SHOX: variants seen among roughly 807,000 people sequenced by gnomAD.
SHOX encodes short stature homeobox protein.
A neutral mutation model predicts 29.6 loss-of-function variants in SHOX; 12 were observed. The ratio of observed to expected loss-of-function variants is 0.41; its 90% CI spans 0.26 to 0.66. The LOEUF is 0.66. SHOX is among the 30% of genes least tolerant of loss of function. The pLI is 0.35. For synonymous variants in SHOX, 214 were observed against 200.6 expected (o/e 1.07, Z -0.57); for missense variants, 499 against 437.7 (o/e 1.14, Z -1.25).
intron 1 of SHOX, among the ~76,000 whole-genome samples, chrX:624,904 C>CCTTTCTTTCTTTCTTTCTT (rs2052485624): frequency 6.3e-5 from 6 of 94,850 alleles, no homozygotes; most frequent in Admixed American, 4.7e-4. Flanking sequence ...CTTTCTTTCT[C>CCTTTCTTTCTTTCTTTCTT]TCTTCCTTTC....
chrX:629,497 C>T (rs1204439230), upstream of SHOX, among the ~76,000 whole-genome samples: 2 of 151,764 alleles, frequency 1.3e-5, no homozygotes, highest in Non-Finnish European at 2.9e-5. Flanking sequence ...CTCTTTCTCT[C>T]TCTCTCTCCA....
In SHOX at chrX:650,347, G is replaced by A. The variant is rs891483436; in HGVS notation, c.*5711G>A. 6.6e-6 allele frequency among the ~76,000 whole-genome samples: 1 copy of A among 150,830 alleles called. No individual in the cohort carries two copies. The highest frequency in any genetic ancestry group is 2.4e-5 in the African/African-American group (1 of 41,170). The stretch of plus-strand genomic sequence containing the variant: ...GGCCTCTCCATCCCGCCAAAGTCCA[G>A]CCAGGCCCCCGAAATGGTCCCATTT... On this transcript the variant is annotated 3_prime_UTR_variant, in exon 5 of 5. Transcript: ENST00000686671.
intron 1 of SHOX, among the ~76,000 whole-genome samples, chrX:625,440 G>C (rs2052505675): frequency 6.6e-6 from 1 of 151,950 alleles, no homozygotes; most frequent in Non-Finnish European, 1.5e-5. Context: ...TCATCGGCTT[G>C]GTGTGCTGCT....
At chrX:631,195 G>A in intron 1 of SHOX, 21 bp downstream of exon 1, 2 of 1,612,040 alleles carry the variant, frequency 1.2e-6, no homozygotes, top group Non-Finnish European at 8.5e-7. Flanking sequence ...TTGCGCTCCG[G>A]CTCCAGGGGG....
rs2053004307 is a variant in SHOX, at chrX:648,898, T to C, written c.*4262T>C. Among the ~76,000 whole-genome samples the C allele has an allele frequency of 2.1e-5, 3 of 141,156 alleles. No homozygotes were observed. In the South Asian group the frequency reaches 6.7e-4, roughly 31 times the overall value. 92.6% of individuals were successfully genotyped at this position (141,156 alleles called of 152,430 possible). The stretch of plus-strand genomic sequence containing the variant: ...CTCTTCTCTCTCCCTTCTCCTTCCT[T>C]CCTTCCTTCCTTTCTTTCTTTTTCT... On this transcript the variant is annotated 3_prime_UTR_variant, in exon 5 of 5. Transcript: ENST00000686671.
rs202142084 is a variant in SHOX, at chrX:644,351, C to T, written c.634-40C>T. 364 of 1,509,040 alleles carry T rather than the reference C, an allele frequency of 2.4e-4. 3 individuals are homozygous for T. The African/African-American group carries it at 4.7e-3, about 20-fold the overall frequency. 93.5% of individuals were successfully genotyped at this position (1,509,040 alleles called of 1,614,324 possible). A position where few individuals can be genotyped will look rare whatever the true frequency, so the allele number is the denominator to read the frequency against. ...GCGGGGCGGAGCAGGCCCCCCAGTC[C>T]CCATCCTGCGCCCTCACCCCGCCGG... On this transcript the variant is annotated intron_variant, in intron 4 of 4. Coordinates refer to ENST00000686671, the MANE Select transcript of SHOX (RefSeq NM_000451.4).
upstream of SHOX, among the ~76,000 whole-genome samples, chrX:629,934 AT>A (rs2052617316): frequency 6.6e-6 from 1 of 152,100 alleles, no homozygotes; most frequent in African/African-American, 2.4e-5. Context: ...AAACACAAGT[AT>A]TTTTTTCACC....
In SHOX at chrX:630,975, C is replaced by T; in HGVS notation, c.78C>T (p.Gly26=). The stretch of plus-strand genomic sequence containing the variant: ...ACGGTAACGGCGGAGGCGGAGGCGG[C>T]GGAGGTAAGAAGGATTCCATTACGT... ...SKDGNGGGGG[G]GGKKDSITYR... is the part of the protein sequence containing the mutation. Residue 26 remains glycine, a synonymous_variant, in exon 1 of 5, where the codon GGC becomes GGT. Transcript: ENST00000686671. 1 of 1,613,786 alleles carries T rather than the reference C, an allele frequency of 6.2e-7. No homozygotes were observed. Among genetic ancestry groups the T allele is most frequent in the Non-Finnish European group, 8.5e-7 (1 of 1,179,828 alleles).
Position 651,338 on chromosome X carries a change from C to G in SHOX, c.*6702C>G, listed in dbSNP as rs765568234. On this transcript the variant is annotated 3_prime_UTR_variant, in exon 5 of 5. Transcript: ENST00000686671. ...AATCACACACCGTTTCCCAAACCAACAGTCTTCACATTTCTATCCCTCTGT... is the reference window on the plus strand; with the variant it reads ...AATCACACACCGTTTCCCAAACCAAGAGTCTTCACATTTCTATCCCTCTGT... 2.2e-6 allele frequency: 1 copy of G among 455,460 alleles called. No individual in the cohort carries two copies. Among genetic ancestry groups the G allele is most frequent in the South Asian group, 1.5e-5 (1 of 64,534 alleles). The allele number at this position is 455,460 out of a possible 1,614,324, so 28.2% of individuals were successfully genotyped here.
chrX:644,351 C>A, intron 4 of SHOX, 40 bp from the exon 5 acceptor site: 1 of 1,509,040 alleles, frequency 6.6e-7, no homozygotes, highest in Non-Finnish European at 8.8e-7. Flanking sequence ...CCCCCCAGTC[C>A]CCATCCTGCG....
chrX:634,919 C>T (rs2052718002), intron 2 of SHOX, 93 bp downstream of exon 2: 6 of 1,336,424 alleles, frequency 4.5e-6, no homozygotes, highest in Admixed American at 4.8e-5. Flanking sequence ...GCCCGGGCCG[C>T]CGCCGTCCCC....
At chrX:633,705 C>T (rs1330391238) in intron 1 of SHOX, among the ~76,000 whole-genome samples, 2 of 152,054 alleles carry the variant, frequency 1.3e-5, no homozygotes, top group African/African-American at 4.8e-5. Flanking sequence ...GCATCGCGTG[C>T]TTCTCATCTG....
intron 1 of SHOX, among the ~76,000 whole-genome samples, chrX:633,729 C>G (rs1007161326): frequency 6.6e-6 from 1 of 151,968 alleles, no homozygotes. Context: ...TCAGCAGGCC[C>G]GAGATAGGAA....
chrX:635,634 A>AC (rs1345620225), intron 2 of SHOX, among the ~76,000 whole-genome samples: 6 of 152,204 alleles, frequency 3.9e-5, no homozygotes, highest in African/African-American at 9.7e-5. Flanking sequence ...GAGACCAGGC[A>AC]CTGGGGGGCG....
intron 1 of SHOX, among the ~76,000 whole-genome samples, chrX:634,253 C>T (rs759084606): frequency 2.0e-5 from 3 of 152,232 alleles, no homozygotes; most frequent in Non-Finnish European, 2.9e-5. Context: ...GGCGTCCCGC[C>T]GGGGATCCCA....
upstream of SHOX, among the ~76,000 whole-genome samples, chrX:628,009 G>C (rs138750933): frequency 0.026 from 3,507 of 132,848 alleles, 124 homozygotes; most frequent in South Asian, 0.16. Flanking sequence ...GACCCAGAAA[G>C]TTGCTCTAAG....
rs183196814 is a variant in SHOX at position 645,610 on chromosome X, G to A, written c.*974G>A. 2.0e-5 allele frequency: 3 copies of A among 152,084 alleles called. No individual in the cohort carries two copies. Among genetic ancestry groups the A allele is most frequent in the Non-Finnish European group, 2.9e-5 (2 of 67,980 alleles). 9.4% of individuals were successfully genotyped at this position (152,084 alleles called of 1,614,324 possible). A position where few individuals can be genotyped will look rare whatever the true frequency, so the allele number is the denominator to read the frequency against. On this transcript the variant is annotated 3_prime_UTR_variant, in exon 5 of 5. Transcript: ENST00000686671. ...CGTCAGCGTCCAACGTGGAAAAGGC[G>A]TTACCTCTTCTCCCAGCGCTGGCCG... is the stretch of plus-strand genomic sequence containing the variant.
upstream of SHOX, among the ~76,000 whole-genome samples, chrX:628,382 C>A (rs1171609324): frequency 7.3e-6 from 1 of 136,800 alleles, no homozygotes; most frequent in South Asian, 2.5e-4. Flanking sequence ...TCTCTCTCTC[C>A]ATCTGTCTGT....
intron 2 of SHOX, among the ~76,000 whole-genome samples, chrX:636,242 A>C (rs1175732064): frequency 2.7e-5 from 4 of 145,836 alleles, no homozygotes; most frequent in Non-Finnish European, 4.5e-5. Context: ...TAAATCTATA[A>C]ACATATATAA....
Sources: gnomAD v4.1 joint callset for allele counts (sites outside exome capture counted in the v4.1 genomes callset) on GRCh38, gnomAD v4.1.1 for gene constraint, MANE v1.5 for transcripts, NCBI Gene and HGNC (gene_info 2026-07-23, HGNC 2026-07-21) for gene names.